Variants in NTM observed in about 807,000 individuals in gnomAD.
NTM encodes IgLON family member 2.
NTM carries 13 observed loss-of-function variants against 42.1 expected under a neutral mutation model. That is an observed-to-expected ratio of 0.31 (90% CI 0.20 to 0.49). The LOEUF is 0.49. Ranked by LOEUF, NTM falls within the 20% of genes least tolerant of loss-of-function variation. The pLI is 0.99. For missense variants in NTM, 373 were observed against 452.8 expected, an observed-to-expected ratio of 0.82 and a Z score of 1.60; for synonymous variants, 187 against 179.2, an observed-to-expected ratio of 1.04 and a Z score of -0.35.
At chr11:131,671,582 C>T in intron 1 of NTM, 1 of 985,388 alleles carries the variant, frequency 1.0e-6, no homozygotes, top group African/African-American at 1.7e-5. Flanking sequence ...CTCTGGAGCC[C>T]ACGCTGGGCT....
intron 2 of NTM, among the ~76,000 whole-genome samples, chr11:132,053,343 A>G (rs1341084303): frequency 6.6e-6 from 1 of 152,180 alleles, no homozygotes; most frequent in African/African-American, 2.4e-5. Flanking sequence ...GAGGCAGAGG[A>G]CTTGTGAGGT....
chr11:132,057,433 A>G (rs1302013843), intron 2 of NTM, among the ~76,000 whole-genome samples: 2 of 152,228 alleles, frequency 1.3e-5, no homozygotes, highest in African/African-American at 4.8e-5. Flanking sequence ...TTATATTTTC[A>G]AGAATTGTAG....
chr11:132,202,648 T>G (rs2081332348), intron 3 of NTM, among the ~76,000 whole-genome samples: 1 of 152,162 alleles, frequency 6.6e-6, no homozygotes, highest in Non-Finnish European at 1.5e-5. Context: ...TGAAATTCAA[T>G]TTTTACCATT....
At chr11:131,394,541 T>C (rs1305325872) in intron 1 of NTM, among the ~76,000 whole-genome samples, 2 of 152,206 alleles carry the variant, frequency 1.3e-5, no homozygotes, top group Non-Finnish European at 2.9e-5. Flanking sequence ...GAGCCATGCC[T>C]TCACCTCTCT....
intron 1 of NTM, among the ~76,000 whole-genome samples, chr11:131,781,699 T>C (rs772799819): frequency 2.0e-5 from 3 of 152,156 alleles, no homozygotes; most frequent in Non-Finnish European, 4.4e-5. Flanking sequence ...GCACAAAATA[T>C]ATGAATCATT....
intron 1 of NTM, among the ~76,000 whole-genome samples, chr11:131,670,325 C>A (rs1379980498): frequency 6.8e-6 from 1 of 146,842 alleles, no homozygotes; most frequent in Non-Finnish European, 1.5e-5. Flanking sequence ...TCTTTCCTTT[C>A]TTTCTTTCTT....
At chr11:131,571,432 T>G (rs1262740522) in intron 1 of NTM, among the ~76,000 whole-genome samples, 1 of 152,212 alleles carries the variant, frequency 6.6e-6, no homozygotes, top group Non-Finnish European at 1.5e-5. Context: ...TCCAGGAAGT[T>G]TAAGCATCTT....
intron 4 of NTM, among the ~76,000 whole-genome samples, chr11:132,293,841 G>C (rs896573909): frequency 6.6e-6 from 1 of 152,182 alleles, no homozygotes; most frequent in Non-Finnish European, 1.5e-5. Flanking sequence ...GTCTATGACT[G>C]CTTTTGTGCT....
chr11:131,719,289 T>C (rs1055664444), intron 1 of NTM, among the ~76,000 whole-genome samples: 2 of 152,164 alleles, frequency 1.3e-5, no homozygotes, highest in Admixed American at 1.3e-4. Context: ...TTTTACTCCC[T>C]CTTGGTCAGA....
intron 2 of NTM, among the ~76,000 whole-genome samples, chr11:132,053,965 C>T (rs781563197): frequency 4.6e-5 from 7 of 152,168 alleles, no homozygotes; most frequent in Admixed American, 6.5e-5. Flanking sequence ...ACTGTAATCC[C>T]GGCACTTTGG....
intron 4 of NTM, among the ~76,000 whole-genome samples, chr11:132,281,136 A>G (rs1296011771): frequency 3.3e-5 from 5 of 152,200 alleles, no homozygotes; most frequent in Admixed American, 3.3e-4. Context: ...TCCTTCAGTA[A>G]CTAAATTCTT....
chr11:131,804,168 A>G (rs920173255), intron 1 of NTM, among the ~76,000 whole-genome samples: 1 of 152,082 alleles, frequency 6.6e-6, no homozygotes, highest in Non-Finnish European at 1.5e-5. Flanking sequence ...TAGCAGAACA[A>G]ACAATTAGTT....
intron 4 of NTM, among the ~76,000 whole-genome samples, chr11:132,300,953 A>C (rs2094822529): frequency 6.6e-6 from 1 of 152,058 alleles, no homozygotes. Flanking sequence ...CTGATTCCTC[A>C]AGGGGGACCT....
intron 1 of NTM, among the ~76,000 whole-genome samples, chr11:131,378,348 C>T (rs571284719): frequency 7.2e-5 from 11 of 152,276 alleles, no homozygotes; most frequent in African/African-American, 2.6e-4. Context: ...TTTGGCAATA[C>T]TGCAAATAGT....
intron 1 of NTM, among the ~76,000 whole-genome samples, chr11:131,620,897 C>T (rs750476630): frequency 2.6e-5 from 4 of 152,166 alleles, no homozygotes; most frequent in South Asian, 2.1e-4. Context: ...TAGAAGAGTA[C>T]TTGGCACATA....
intron 1 of NTM, among the ~76,000 whole-genome samples, chr11:131,735,674 G>T (rs952422387): frequency 6.6e-6 from 1 of 152,112 alleles, no homozygotes; most frequent in Non-Finnish European, 1.5e-5. Flanking sequence ...TGTTTCCATG[G>T]TGTTCTGTGG....
chr11:132,129,580 G>A (rs1422779643), intron 2 of NTM, among the ~76,000 whole-genome samples: 3 of 152,188 alleles, frequency 2.0e-5, no homozygotes, highest in Non-Finnish European at 4.4e-5. Flanking sequence ...TGCCTACCTA[G>A]AAGTAAGGTT....
At chr11:131,866,628 C>T (rs1317516476) in intron 1 of NTM, among the ~76,000 whole-genome samples, 1 of 152,232 alleles carries the variant, frequency 6.6e-6, no homozygotes, top group Non-Finnish European at 1.5e-5. Context: ...CCATGGCGCC[C>T]AAGACTGCTG....
intron 2 of NTM, among the ~76,000 whole-genome samples, chr11:131,992,214 G>A (rs1336493757): frequency 6.6e-6 from 1 of 152,144 alleles, no homozygotes; most frequent in Non-Finnish European, 1.5e-5. Flanking sequence ...TTCACTTACT[G>A]AATTGATAGT....
Sources: gnomAD v4.1 joint callset for allele counts (sites outside exome capture counted in the v4.1 genomes callset) on GRCh38, gnomAD v4.1.1 for gene constraint, MANE v1.5 for transcripts, NCBI Gene and HGNC (gene_info 2026-07-23, HGNC 2026-07-21) for gene names.